Variants in VIPAS39 observed in about 807,000 individuals in gnomAD.
VIPAS39 encodes the protein VPS33B interacting protein, apical-basolateral polarity regulator, spe-39 homolog, also known as spermatogenesis-defective protein 39 homolog.
In VIPAS39, 63 loss-of-function variants were observed where a neutral mutation model predicts 84.7. The ratio of observed to expected loss-of-function variants is 0.74; its 90% CI spans 0.61 to 0.92. The LOEUF is 0.92. Among genes scored for constraint, VIPAS39 ranks in the 40% least tolerant of loss-of-function variants. The pLI is 0.00. For synonymous variants in VIPAS39, 192 were observed against 216.5 expected (o/e 0.89, Z 0.99); for missense variants, 499 against 604.5 (o/e 0.83, Z 1.83).
At chr14:77,456,311 G>A (rs185303187) in intron 1 of VIPAS39, among the ~76,000 whole-genome samples, 11 of 151,694 alleles carry the variant, frequency 7.3e-5, no homozygotes, top group Admixed American at 5.9e-4. Flanking sequence ...TGGTACCTTG[G>A]GAAAAGCTAA....
chr14:77,435,517 A>G, intron 13 of VIPAS39, 124 bp from the exon 14 acceptor site: 1 of 1,347,030 alleles, frequency 7.4e-7, no homozygotes, highest in African/African-American at 1.5e-5. Context: ...AAAGAACAGA[A>G]AAAGAAAGAA....
At chr14:77,435,798 T>G in intron 13 of VIPAS39, 46 bp downstream of exon 13, 1 of 1,599,320 alleles carries the variant, frequency 6.3e-7, no homozygotes, top group Non-Finnish European at 8.6e-7. Context: ...TGAACGGCAC[T>G]GAGCCTTGGC....
At chr14:77,452,235 G>C (rs1009310902) in intron 3 of VIPAS39, among the ~76,000 whole-genome samples, 5 of 152,102 alleles carry the variant, frequency 3.3e-5, no homozygotes, top group Non-Finnish European at 7.4e-5. Flanking sequence ...GCATGCTACT[G>C]CTTGTGTAAA....
chr14:77,452,273 T>C (rs903431688), intron 3 of VIPAS39, among the ~76,000 whole-genome samples: 1 of 152,206 alleles, frequency 6.6e-6, no homozygotes, highest in Non-Finnish European at 1.5e-5. Context: ...TGTTTCTATA[T>C]ACTTTTCCAG....
intron 3 of VIPAS39, 59 bp downstream of exon 3, chr14:77,453,240 C>A (rs1241919875): frequency 7.3e-6 from 11 of 1,507,280 alleles, no homozygotes; most frequent in Non-Finnish European, 1.0e-5. Context: ...ACAAGTAGAG[C>A]CTTTATCAGT....
chr14:77,451,714 G>A (rs935147700), intron 3 of VIPAS39, among the ~76,000 whole-genome samples: 1 of 151,906 alleles, frequency 6.6e-6, no homozygotes, highest in Non-Finnish European at 1.5e-5. Context: ...GCCATCCATC[G>A]CCACTACCCT....
At chr14:77,433,200 T>C (rs1220307982) in intron 16 of VIPAS39, among the ~76,000 whole-genome samples, 1 of 152,134 alleles carries the variant, frequency 6.6e-6, no homozygotes, top group Non-Finnish European at 1.5e-5. Context: ...GATAATTATA[T>C]TGTGCTTCTT....
intron 18 of VIPAS39, 57 bp from the exon 19 acceptor site, chr14:77,428,531 T>C: frequency 2.6e-6 from 4 of 1,527,350 alleles, no homozygotes; most frequent in Non-Finnish European, 3.6e-6. Flanking sequence ...AGGGTTCTTT[T>C]TGCCCAGGAT....
chr14:77,429,790 C>T (rs772409376), intron 16 of VIPAS39, 23 bp from the exon 17 acceptor site: 15 of 1,606,738 alleles, frequency 9.3e-6, no homozygotes, highest in Admixed American at 5.0e-5. Flanking sequence ...GATGGGGTAG[C>T]GGCAGGTAGG....
In VIPAS39 at chr14:77,437,845, G is replaced by T; in HGVS notation, c.799C>A (p.Pro267Thr). Residue 267 changes from proline to threonine, a missense_variant, in exon 12 of 20, where the codon CCT becomes ACT. Physicochemically the swap from Pro to Thr is conservative, Grantham distance 38. Transcript: ENST00000557658. ...HYREHLNIQDPDKRKEFLKTC... is the reference protein window; with the variant it reads ...HYREHLNIQDTDKRKEFLKTC... ...TTAAGAAATTCTTTTCGTTTGTCAG[G>T]GTCCTGAATGTTCAAATGCTCTCGA... 1 of 1,613,950 alleles carries T rather than the reference G, an allele frequency of 6.2e-7. No homozygotes were observed. Among genetic ancestry groups the T allele is most frequent in the Non-Finnish European group, 8.5e-7 (1 of 1,179,998 alleles).
At position 77,431,269 on chromosome 14, in the gene VIPAS39, C is replaced by A. The variant is rs902607102; in HGVS notation, c.1180-1502G>T. Reference sequence around the variant, plus strand: ...CCTATGGATTAGAATATTTGTAAACCACATATCTGATAAGGGATTAGTATC... The same window carrying A: ...CCTATGGATTAGAATATTTGTAAACAACATATCTGATAAGGGATTAGTATC... On this transcript the variant is annotated intron_variant, in intron 16 of 19. Coordinates refer to ENST00000557658, the MANE Select transcript of VIPAS39 (RefSeq NM_001193315.2). Among the ~76,000 whole-genome samples, 29 of 152,216 alleles carry A rather than the reference C, an allele frequency of 1.9e-4. 1 individual carries two copies. Among genetic ancestry groups the A allele is most frequent in the African/African-American group, 7.0e-4 (29 of 41,528 alleles).
rs146741246 is a variant in VIPAS39 at position 77,448,505 on chromosome 14, G to A, written c.493C>T (p.Arg165Trp). The change falls in exon 7 of 20, where the codon CGG (arginine) becomes TGG (tryptophan). Residue 165 changes from arginine to tryptophan, a missense_variant. By Grantham distance (101) the Arg-to-Trp change is moderately radical. Coordinates refer to ENST00000557658, the MANE Select transcript of VIPAS39 (RefSeq NM_001193315.2). ...WSPSDTVRRL[R>W]KGKVCSLERF... ...TTCTCTGTCCTTACCTTGCCCTTCC[G>A]GAGACGTCGCACTGTATCACTGGGG... is the stretch of plus-strand genomic sequence containing the variant. 50 of 1,614,110 alleles carry A rather than the reference G, an allele frequency of 3.1e-5. No homozygotes were observed. Among genetic ancestry groups the A allele is most frequent in the South Asian group, 1.6e-4 (15 of 91,082 alleles).
At chr14:77,451,148 GAGA>G (rs2078875026) in intron 4 of VIPAS39, 36 bp downstream of exon 4, 1 of 1,613,956 alleles carries the variant, frequency 6.2e-7, no homozygotes, top group Non-Finnish European at 8.5e-7. Context: ...TCTGGAAAAA[GAGA>G]AGGACTTCCC....
chr14:77,437,996 A>G, intron 11 of VIPAS39, 115 bp from the exon 12 acceptor site: 1 of 1,048,034 alleles, frequency 9.5e-7, no homozygotes, highest in African/African-American at 1.6e-5. Flanking sequence ...CTGGGTATAG[A>G]TGGTTATTGG....
At chr14:77,437,246 C>A (rs993685444) in intron 12 of VIPAS39, among the ~76,000 whole-genome samples, 2 of 152,184 alleles carry the variant, frequency 1.3e-5, no homozygotes, top group Non-Finnish European at 2.9e-5. Flanking sequence ...TAAGGAAGCA[C>A]TTTCCAATAA....
chr14:77,430,738 A>G (rs111396003), intron 16 of VIPAS39, among the ~76,000 whole-genome samples: 1,990 of 110,270 alleles, frequency 0.018, 32 homozygotes, highest in South Asian at 0.096. Context: ...AAAAAAAAAA[A>G]GGGGGGGTAG....
intron 7 of VIPAS39, among the ~76,000 whole-genome samples, chr14:77,447,023 T>C (rs2078801057): frequency 1.4e-5 from 2 of 145,520 alleles, no homozygotes. Flanking sequence ...TATACATTTA[T>C]ATTATAAATT....
intron 7 of VIPAS39, among the ~76,000 whole-genome samples, chr14:77,446,578 C>A (rs925626825): frequency 6.6e-6 from 1 of 152,162 alleles, no homozygotes; most frequent in African/African-American, 2.4e-5. Flanking sequence ...CTTTTGTAGA[C>A]ACTGCCAAGG....
chr14:77,457,371 A>G (rs1009403695), intron 1 of VIPAS39, 124 bp downstream of exon 1: 1 of 1,535,602 alleles, frequency 6.5e-7, no homozygotes, highest in Admixed American at 2.0e-5. Flanking sequence ...CCTGACTGAA[A>G]GAAGAGAATC....
Sources: allele counts gnomAD v4.1 joint callset (sites outside exome capture counted in the v4.1 genomes callset), GRCh38; gene constraint gnomAD v4.1.1; transcripts MANE v1.5; gene names NCBI Gene and HGNC (gene_info 2026-07-23, HGNC 2026-07-21).